Variants in TEX2 observed in about 807,000 individuals in gnomAD.
TEX2 encodes testis-expressed protein 2.
TEX2 carries 53 observed loss-of-function variants against 106.9 expected under a neutral mutation model. The observed-to-expected ratio is 0.50, with a 90% CI of 0.40 to 0.62. The LOEUF is 0.62. Among genes scored for constraint, TEX2 ranks in the 20% least tolerant of loss-of-function variants. The pLI is 0.00. For synonymous variants in TEX2, 523 were observed against 534.8 expected, an observed-to-expected ratio of 0.98 and a Z score of 0.30; for missense variants, 1,207 against 1,379.0, an observed-to-expected ratio of 0.88 and a Z score of 1.98.
At chr17:64,248,928 A>G (rs574062649) in intron 1 of TEX2, among the ~76,000 whole-genome samples, 2 of 152,050 alleles carry the variant, frequency 1.3e-5, no homozygotes, top group Admixed American at 1.3e-4. Flanking sequence ...CCAGCTACTT[A>G]GGAGGCTGAG....
intron 2 of TEX2, among the ~76,000 whole-genome samples, chr17:64,200,862 T>C (rs566773047): frequency 7.2e-5 from 11 of 152,222 alleles, no homozygotes; most frequent in Admixed American, 7.2e-4. Context: ...ACCCCCATCT[T>C]TTCAGAATCA....
At position 64,148,613 on chromosome 17, in the gene TEX2, G is replaced by A; in HGVS notation, c.*356C>T. On this transcript the variant is annotated 3_prime_UTR_variant, in exon 12 of 12. Coordinates refer to ENST00000584379, the MANE Select transcript of TEX2 (RefSeq NM_001288732.2). ...GGCTGCCTGAAGAAAAGCTTTGGAG[G>A]AGTAGAGGAGGCAAGTTGTTCAGCT... 1 of 203,876 alleles carries A rather than the reference G, an allele frequency of 4.9e-6. No individual in the cohort carries two copies. Among genetic ancestry groups the A allele is most frequent in the Admixed American group, 5.7e-5 (1 of 17,616 alleles). 12.6% of individuals were successfully genotyped at this position (203,876 alleles called of 1,614,324 possible).
intron 1 of TEX2, among the ~76,000 whole-genome samples, chr17:64,221,641 A>T (rs1205319732): frequency 6.6e-6 from 1 of 152,220 alleles, no homozygotes; most frequent in Non-Finnish European, 1.5e-5. Flanking sequence ...CAAAAGTTAA[A>T]AATAGAACTA....
chr17:64,262,726 C>T lies in TEX2; in HGVS notation c.-26+442G>A, dbSNP rs562981218. Among the ~76,000 whole-genome samples the T allele has an allele frequency of 5.1e-4, 77 of 152,372 alleles. No individual in the cohort carries two copies. The South Asian group carries it at 7.5e-3, about 15-fold the overall frequency. On this transcript the variant is annotated intron_variant, in intron 1 of 11. Transcript: ENST00000584379. ...AGAAAAACCACCGGGGCGCATACAA[C>T]CTCTGACAGATTCGAGTAAAAGTAA...
intron 1 of TEX2, among the ~76,000 whole-genome samples, chr17:64,248,964 G>A (rs1229964711): frequency 6.6e-6 from 1 of 151,998 alleles, no homozygotes; most frequent in African/African-American, 2.4e-5. Context: ...GAACCCAGGA[G>A]GCGGAGGTTG....
At chr17:64,215,543 A>G (rs782777587) in intron 1 of TEX2, among the ~76,000 whole-genome samples, 10 of 152,212 alleles carry the variant, frequency 6.6e-5, no homozygotes, top group Admixed American at 2.6e-4. Context: ...CAGTGGAAAG[A>G]GCACCCAGCT....
chr17:64,214,343 AT>A, intron 1 of TEX2, 101 bp from the exon 2 acceptor site: 1 of 993,100 alleles, frequency 1.0e-6, no homozygotes, highest in Non-Finnish European at 1.5e-6. Flanking sequence ...TTAAGTGGTG[AT>A]TATGCTTTTA....
chr17:64,162,029 T>G (rs2030911610), intron 7 of TEX2, among the ~76,000 whole-genome samples: 1 of 152,148 alleles, frequency 6.6e-6, no homozygotes, highest in Non-Finnish European at 1.5e-5. Context: ...GTGTCATTCC[T>G]CACTAAAGGC....
chr17:64,171,359 G>A (rs1356039611), intron 6 of TEX2, among the ~76,000 whole-genome samples, 160 bp from the exon 7 acceptor site: 1 of 152,138 alleles, frequency 6.6e-6, no homozygotes, highest in Non-Finnish European at 1.5e-5. Context: ...ACTAGGCTTC[G>A]TACTCCAGAC....
rs57741930 is a variant in TEX2, at chr17:64,228,929, T to TACACACACAC, written c.-25-14697_-25-14688dup. On this transcript the variant is annotated intron_variant, in intron 1 of 11. Transcript: ENST00000584379. ...TGGCCTATACCTATGGACTGACAGG[T>TACACACACAC]ACACACACACACACACACACACACA... Among the ~76,000 whole-genome samples the TACACACACAC allele has an allele frequency of 5.0e-4, 74 of 146,752 alleles. 1 individual carries two copies. The highest frequency in any genetic ancestry group is 7.5e-4 in the Non-Finnish European group (50 of 66,846).
intron 7 of TEX2, among the ~76,000 whole-genome samples, chr17:64,170,425 G>A (rs2031330300): frequency 6.6e-6 from 1 of 152,134 alleles, no homozygotes; most frequent in Non-Finnish European, 1.5e-5. Context: ...TAGGGCTGGG[G>A]CAGCTGCACC....
chr17:64,184,942 AAAAACATTT>A (rs1425724333), intron 5 of TEX2, among the ~76,000 whole-genome samples: 1 of 152,228 alleles, frequency 6.6e-6, no homozygotes, highest in Non-Finnish European at 1.5e-5. Flanking sequence ...TTAGTGCAAC[AAAAACATTT>A]TCCAATTCAA....
Position 64,164,084 on chromosome 17 carries a change from A to G in TEX2, c.2672-3151T>C, listed in dbSNP as rs532366727. On this transcript the variant is annotated intron_variant, in intron 7 of 11. Coordinates refer to ENST00000584379, the MANE Select transcript of TEX2 (RefSeq NM_001288732.2). ...GCATACGAAGGGTCTATTCCACATCATGTTGAGAGGTTGTCCAGTGGTAAC... is the reference window on the plus strand; with the variant it reads ...GCATACGAAGGGTCTATTCCACATCGTGTTGAGAGGTTGTCCAGTGGTAAC... Among the ~76,000 whole-genome samples, 5 of 152,276 alleles carry G rather than the reference A, an allele frequency of 3.3e-5. No individual in the cohort carries two copies. The East Asian group carries it at 7.7e-4, about 24-fold the overall frequency.
At chr17:64,196,962 C>G (rs1351387668) in intron 2 of TEX2, among the ~76,000 whole-genome samples, 1 of 133,172 alleles carries the variant, frequency 7.5e-6, no homozygotes, top group Admixed American at 8.4e-5. Flanking sequence ...TCACGGAAAT[C>G]AGGGAATAGT....
intron 1 of TEX2, among the ~76,000 whole-genome samples, chr17:64,226,955 C>A (rs1040904382): frequency 2.0e-4 from 30 of 152,052 alleles, no homozygotes; most frequent in Non-Finnish European, 1.2e-4. Flanking sequence ...AGGCTGGGCA[C>A]GGGGGCTCAC....
chr17:64,257,439 G>A (rs192252035), intron 1 of TEX2, among the ~76,000 whole-genome samples: 2 of 152,202 alleles, frequency 1.3e-5, no homozygotes, highest in African/African-American at 4.8e-5. Flanking sequence ...TGCAGTTTCC[G>A]TCACCCATAG....
chr17:64,203,005 C>A (rs1359277595), intron 2 of TEX2, among the ~76,000 whole-genome samples: 1 of 152,138 alleles, frequency 6.6e-6, no homozygotes, highest in Non-Finnish European at 1.5e-5. Context: ...AAGTACAAAA[C>A]CACAATCTAT....
In TEX2 at chr17:64,149,018, G is replaced by T; in HGVS notation, c.3335C>A (p.Thr1112Asn). The T allele has an allele frequency of 1.9e-6, 3 of 1,614,246 alleles. No individual in the cohort carries two copies. The highest frequency in any genetic ancestry group is 2.5e-6 in the Non-Finnish European group (3 of 1,180,046). ...IMHSAMDPRS[T>N]SCLLKDPPVE... is the part of the protein sequence containing the mutation. Reference sequence around the variant, plus strand: ...AGGTGGGTCTTTCAGGAGGCAGGAAGTAGAGCGAGGGTCCATGGCTGAGTG... The same window carrying T: ...AGGTGGGTCTTTCAGGAGGCAGGAATTAGAGCGAGGGTCCATGGCTGAGTG... Residue 1112 changes from threonine to asparagine, a missense_variant, in exon 12 of 12, where the codon ACT becomes AAT. Physicochemically the swap from Thr to Asn is moderately conservative, Grantham distance 65. Coordinates refer to ENST00000584379, the MANE Select transcript of TEX2 (RefSeq NM_001288732.2).
intron 1 of TEX2, among the ~76,000 whole-genome samples, chr17:64,223,724 T>C (rs565857568): frequency 7.4e-5 from 11 of 149,096 alleles, no homozygotes; most frequent in African/African-American, 2.7e-4. Flanking sequence ...TTTTTTTTTT[T>C]TTTTTTTTGC....
Sources: gnomAD v4.1 joint callset for allele counts (sites outside exome capture counted in the v4.1 genomes callset) on GRCh38, gnomAD v4.1.1 for gene constraint, MANE v1.5 for transcripts, NCBI Gene and HGNC (gene_info 2026-07-23, HGNC 2026-07-21) for gene names.